Variants in GOLGA7 observed in about 807,000 individuals in gnomAD.
GOLGA7 encodes golgin A7, also known as golgin subfamily A member 7.
A neutral mutation model predicts 21.1 loss-of-function variants in GOLGA7; 10 were observed. That is an observed-to-expected ratio of 0.47 (90% CI 0.29 to 0.80). The LOEUF is 0.80. Among genes scored for constraint, GOLGA7 ranks in the 30% least tolerant of loss-of-function variants. GOLGA7 has a pLI of 0.08. For missense variants in GOLGA7, 114 were observed against 166.8 expected (o/e 0.68, Z 1.74); for synonymous variants, 64 against 62.6 (o/e 1.02, Z -0.10).
intron 2 of GOLGA7, among the ~76,000 whole-genome samples, chr8:41,503,071 T>G (rs1285980353): frequency 6.6e-6 from 1 of 152,172 alleles, no homozygotes; most frequent in East Asian, 1.9e-4. Flanking sequence ...AGACTAAGTT[T>G]TAAAGCATCT....
chr8:41,497,462 A>C, intron 1 of GOLGA7, 47 bp from the exon 2 acceptor site: 1 of 1,028,360 alleles, frequency 9.7e-7, no homozygotes, highest in Non-Finnish European at 1.4e-6. Flanking sequence ...GCATTAGTTG[A>C]TTTTTTTTTT....
chr8:41,494,674 C>T (rs1231487981), intron 1 of GOLGA7, among the ~76,000 whole-genome samples: 1 of 152,146 alleles, frequency 6.6e-6, no homozygotes, highest in Non-Finnish European at 1.5e-5. Context: ...AACACTGCCC[C>T]TGCGTTTAAA....
intron 1 of GOLGA7, among the ~76,000 whole-genome samples, chr8:41,496,868 C>T (rs974260382): frequency 1.6e-5 from 2 of 125,020 alleles, no homozygotes; most frequent in East Asian, 4.8e-4. Context: ...AGTGCAGTGG[C>T]GCAGTCTCGG....
intron 1 of GOLGA7, among the ~76,000 whole-genome samples, chr8:41,493,271 T>C (rs1479511533): frequency 6.6e-6 from 1 of 152,236 alleles, no homozygotes; most frequent in Non-Finnish European, 1.5e-5. Context: ...CTCTACTACT[T>C]ACCCTAGAAA....
chr8:41,496,105 A>G (rs1177933466), intron 1 of GOLGA7, among the ~76,000 whole-genome samples: 1 of 152,150 alleles, frequency 6.6e-6, no homozygotes, highest in Non-Finnish European at 1.5e-5. Context: ...TATCCACCTT[A>G]TACATATAAC....
chr8:41,501,667 G>A (rs1487690307), intron 2 of GOLGA7, among the ~76,000 whole-genome samples: 1 of 152,156 alleles, frequency 6.6e-6, no homozygotes, highest in African/African-American at 2.4e-5. Context: ...AAGTGCTAGG[G>A]CTACAGGCAT....
chr8:41,507,177 G>A (rs1175103557), intron 4 of GOLGA7, 56 bp downstream of exon 4: 1 of 773,972 alleles, frequency 1.3e-6, no homozygotes, highest in East Asian at 2.5e-5. Context: ...GAGGATGCAT[G>A]AATATTCTTC....
Position 41,490,591 on chromosome 8 carries a change from A to C in GOLGA7, c.-264A>C. 2 of 464,524 alleles carry C rather than the reference A, an allele frequency of 4.3e-6. No individual in the cohort carries two copies. The highest frequency in any genetic ancestry group is 2.1e-5 in the African/African-American group (1 of 48,476). 28.8% of individuals were successfully genotyped at this position (464,524 alleles called of 1,614,324 possible). A position where few individuals can be genotyped will look rare whatever the true frequency, so the allele number is the denominator to read the frequency against. On this transcript the variant is annotated 5_prime_UTR_variant, in exon 1 of 5. Transcript: ENST00000357743. Reference sequence around the variant, plus strand: ...CGTAAGTGACGGCGAAGGCGGTGCGACAGCAGCTGGAGGGCAGAGGAGGCG... The same window carrying C: ...CGTAAGTGACGGCGAAGGCGGTGCGCCAGCAGCTGGAGGGCAGAGGAGGCG...
chr8:41,500,681 C>A (rs1806128587), intron 2 of GOLGA7, among the ~76,000 whole-genome samples: 2 of 152,218 alleles, frequency 1.3e-5, no homozygotes, highest in Non-Finnish European at 2.9e-5. Context: ...CCTCTCACCT[C>A]AGCCTCTCAG....
intron 4 of GOLGA7, 145 bp downstream of exon 4, chr8:41,507,266 A>G (rs1344697200): frequency 1.7e-6 from 1 of 587,120 alleles, no homozygotes; most frequent in African/African-American, 1.9e-5. Flanking sequence ...TAGTCACTGT[A>G]TTAGCTTGAT....
intron 1 of GOLGA7, 142 bp downstream of exon 1, chr8:41,491,107 T>C: frequency 1.6e-6 from 1 of 626,542 alleles, no homozygotes; most frequent in Non-Finnish European, 2.9e-6. Context: ...TGGCCAAACG[T>C]GTAAGAAGAG....
At chr8:41,507,155 T>G (rs1806306131) in intron 4 of GOLGA7, 34 bp downstream of exon 4, 2 of 825,404 alleles carry the variant, frequency 2.4e-6, no homozygotes, top group Non-Finnish European at 4.3e-6. Context: ...GTATGCAGCT[T>G]TTGCAAGTTT....
chr8:41,507,225 A>G (rs1806307604), intron 4 of GOLGA7, 104 bp downstream of exon 4: 3 of 694,038 alleles, frequency 4.3e-6, no homozygotes, highest in Non-Finnish European at 2.7e-6. Context: ...ACGCAGTTAA[A>G]TAACAGTATA....
chr8:41,505,208 T>A (rs1051440782), intron 2 of GOLGA7, among the ~76,000 whole-genome samples: 2 of 152,220 alleles, frequency 1.3e-5, no homozygotes, highest in African/African-American at 4.8e-5. Context: ...TGTCTACATT[T>A]GCTTTGACTT....
intron 1 of GOLGA7, among the ~76,000 whole-genome samples, chr8:41,496,536 T>C (rs16890638): frequency 0.065 from 9,924 of 152,230 alleles, 450 homozygotes; most frequent in East Asian, 0.19. Context: ...TTTATTAGCT[T>C]GAGATTTTAC....
chr8:41,490,929 G>C lies in GOLGA7; in HGVS notation c.75G>C (p.Gln25His). 1 of 1,596,522 alleles carries C rather than the reference G, an allele frequency of 6.3e-7. No individual in the cohort carries two copies. Among genetic ancestry groups the C allele is most frequent in the Non-Finnish European group, 8.5e-7 (1 of 1,170,182 alleles). ...ACTACAGCAGTGGCACACGCTGCCAGTTCCAGACCAAGTTCCCTGCGGAGC... is the reference window on the plus strand; with the variant it reads ...ACTACAGCAGTGGCACACGCTGCCACTTCCAGACCAAGTTCCCTGCGGAGC... ...QRDYSSGTRCQFQTKFPAELE... is the reference protein window; with the variant it reads ...QRDYSSGTRCHFQTKFPAELE... Residue 25 changes from glutamine to histidine, a missense_variant, in exon 1 of 5, where the codon CAG becomes CAC. Gln to His is a conservative substitution (Grantham distance 24). Transcript: ENST00000357743.
chr8:41,499,149 T>C (rs1806089801), intron 2 of GOLGA7, among the ~76,000 whole-genome samples: 1 of 152,090 alleles, frequency 6.6e-6, no homozygotes, highest in Non-Finnish European at 1.5e-5. Flanking sequence ...GCAGGGCGTG[T>C]GATGGGGTGT....
chr8:41,502,983 A>G (rs1806185351), intron 2 of GOLGA7, among the ~76,000 whole-genome samples: 1 of 152,198 alleles, frequency 6.6e-6, no homozygotes, highest in South Asian at 2.1e-4. Flanking sequence ...GAGTTTACAC[A>G]TATTAATGCT....
At chr8:41,491,061 C>T in intron 1 of GOLGA7, 96 bp downstream of exon 1, 1 of 753,488 alleles carries the variant, frequency 1.3e-6, no homozygotes, top group South Asian at 1.6e-5. Flanking sequence ...TTGAGGGTCC[C>T]GCAGTTCTGG....
Sources: allele counts gnomAD v4.1 joint callset (sites outside exome capture counted in the v4.1 genomes callset), GRCh38; gene constraint gnomAD v4.1.1; transcripts MANE v1.5; gene names NCBI Gene and HGNC (gene_info 2026-07-23, HGNC 2026-07-21).